The following SLC25A21 variants were observed in gnomAD, a reference collection of about 807,000 sequenced individuals.
The protein encoded by SLC25A21 is solute carrier family 25 member 21.
Under a neutral mutation model 43.8 loss-of-function variants are expected in SLC25A21, and 47 were observed. The observed-to-expected ratio is 1.07, with a 90% confidence interval of 0.85 to 1.37. The LOEUF is 1.37. SLC25A21 is among the 40% of genes most tolerant of loss of function. SLC25A21 has a pLI of 0.00. For missense variants in SLC25A21, 352 were observed against 350.2 expected, an observed-to-expected ratio of 1.00 and a Z score of -0.04; for synonymous variants, 131 against 121.3, an observed-to-expected ratio of 1.08 and a Z score of -0.52.
intron 1 of SLC25A21, among the ~76,000 whole-genome samples, chr14:36,953,051 G>A (rs1215933282): frequency 1.3e-5 from 2 of 152,088 alleles, no homozygotes; most frequent in Non-Finnish European, 2.9e-5. Context: ...ATTTAGTTTT[G>A]AGGTATCAAT....
At chr14:36,695,586 T>G (rs145271923) in intron 7 of SLC25A21, among the ~76,000 whole-genome samples, 3,842 of 152,292 alleles carry the variant, frequency 0.025, 148 homozygotes, top group African/African-American at 0.088. Context: ...TTTTATTTCC[T>G]TGGGCAGTGG....
intron 1 of SLC25A21, among the ~76,000 whole-genome samples, chr14:37,149,810 T>C (rs1167494149): frequency 2.6e-5 from 4 of 152,050 alleles, no homozygotes; most frequent in African/African-American, 7.3e-5. Context: ...CCCTTAGCTG[T>C]ATACATTTCT....
intron 1 of SLC25A21, among the ~76,000 whole-genome samples, chr14:36,883,806 C>G (rs760500654): frequency 2.0e-5 from 3 of 151,960 alleles, no homozygotes; most frequent in Non-Finnish European, 4.4e-5. Context: ...TTAAACTGAT[C>G]TTACTTATTT....
chr14:36,801,708 C>T (rs1012044930), intron 3 of SLC25A21, among the ~76,000 whole-genome samples: 6 of 152,196 alleles, frequency 3.9e-5, no homozygotes, highest in Admixed American at 1.3e-4. Flanking sequence ...AAAATCCTAA[C>T]TCAAACTGCC....
At chr14:36,965,761 A>T (rs537933715) in intron 1 of SLC25A21, among the ~76,000 whole-genome samples, 8 of 152,326 alleles carry the variant, frequency 5.3e-5, no homozygotes, top group African/African-American at 1.7e-4. Flanking sequence ...CAAAGAGATT[A>T]AAAAATAAAT....
rs1489008467 is a variant in SLC25A21, at chr14:36,814,141, G to A, written c.120-140C>T. 3 of 559,382 alleles carry A rather than the reference G, an allele frequency of 5.4e-6. No homozygotes were observed. The East Asian group carries it at 9.3e-5, about 17-fold the overall frequency. The allele number at this position is 559,382 out of a possible 1,614,324, so 34.7% of individuals were successfully genotyped here. On this transcript the variant is annotated intron_variant, in intron 2 of 9. Transcript: ENST00000331299. ...TGGTATGGATTTTATTCATTTATTAGCCTTATATAATCTTTACCTTATTTT... is the reference window on the plus strand; with the variant it reads ...TGGTATGGATTTTATTCATTTATTAACCTTATATAATCTTTACCTTATTTT...
At chr14:36,812,043 G>A (rs1287562789) in intron 3 of SLC25A21, among the ~76,000 whole-genome samples, 1 of 152,082 alleles carries the variant, frequency 6.6e-6, no homozygotes, top group Non-Finnish European at 1.5e-5. Context: ...CAAAGGATTA[G>A]TATCTATAAT....
chr14:37,086,204 T>G (rs1481755408), intron 1 of SLC25A21, among the ~76,000 whole-genome samples: 1 of 152,124 alleles, frequency 6.6e-6, no homozygotes, highest in Non-Finnish European at 1.5e-5. Flanking sequence ...AAAATAATAA[T>G]TGTATTTTTA....
intron 1 of SLC25A21, among the ~76,000 whole-genome samples, chr14:37,149,692 C>G (rs1012544455): frequency 1.3e-5 from 2 of 152,106 alleles, no homozygotes; most frequent in African/African-American, 4.8e-5. Context: ...GGCTGACTCA[C>G]AGAGCAAGAC....
chr14:36,697,021 T>G (rs1883058062), intron 7 of SLC25A21, among the ~76,000 whole-genome samples: 1 of 152,250 alleles, frequency 6.6e-6, no homozygotes, highest in African/African-American at 2.4e-5. Flanking sequence ...ATTTTAGATC[T>G]TTCCTGCTTT....
chr14:37,091,238 G>T (rs768298792), intron 1 of SLC25A21, among the ~76,000 whole-genome samples: 10 of 152,204 alleles, frequency 6.6e-5, no homozygotes, highest in Non-Finnish European at 1.5e-4. Context: ...ATCCAGACCA[G>T]CCTGGCTAAC....
chr14:36,769,721 C>T (rs902544507), intron 3 of SLC25A21, among the ~76,000 whole-genome samples: 1 of 152,132 alleles, frequency 6.6e-6, no homozygotes, highest in Non-Finnish European at 1.5e-5. Context: ...ATTTTTCCTA[C>T]AAAAATAGAA....
chr14:36,701,113 TTTG>T (rs1476013610), intron 7 of SLC25A21, among the ~76,000 whole-genome samples: 1 of 152,208 alleles, frequency 6.6e-6, no homozygotes, highest in Non-Finnish European at 1.5e-5. Flanking sequence ...TTGGCTCTCT[TTTG>T]TTGTTTTGTT....
At chr14:37,042,099 C>T (rs1056196519) in intron 1 of SLC25A21, among the ~76,000 whole-genome samples, 1 of 152,096 alleles carries the variant, frequency 6.6e-6, no homozygotes, top group Non-Finnish European at 1.5e-5. Context: ...ACGGGGTAAC[C>T]TTTACTTGCC....
intron 1 of SLC25A21, among the ~76,000 whole-genome samples, chr14:36,969,801 C>T (rs1959710152): frequency 6.6e-6 from 1 of 152,006 alleles, no homozygotes; most frequent in Non-Finnish European, 1.5e-5. Flanking sequence ...CAGACACTTA[C>T]TTTTATACTT....
intron 7 of SLC25A21, among the ~76,000 whole-genome samples, chr14:36,693,903 C>T (rs981032022): frequency 6.6e-6 from 1 of 152,034 alleles, no homozygotes; most frequent in Non-Finnish European, 1.5e-5. Flanking sequence ...AAAAGTTCCA[C>T]CAAAATTTTT....
chr14:36,978,365 G>A (rs1476290741), intron 1 of SLC25A21, among the ~76,000 whole-genome samples: 5 of 152,180 alleles, frequency 3.3e-5, no homozygotes, highest in African/African-American at 1.2e-4. Flanking sequence ...TATTAAGTGT[G>A]TGATAGTGTT....
At chr14:36,842,331 T>C (rs1889409418) in intron 2 of SLC25A21, among the ~76,000 whole-genome samples, 1 of 152,126 alleles carries the variant, frequency 6.6e-6, no homozygotes. Context: ...CTCGCAGAAA[T>C]AATTAGGTGA....
chr14:36,854,952 A>G (rs1378593537), intron 2 of SLC25A21, among the ~76,000 whole-genome samples: 1 of 150,984 alleles, frequency 6.6e-6, no homozygotes, highest in Non-Finnish European at 1.5e-5. Flanking sequence ...GTATTCTGCC[A>G]TCCTTGGAAT....
Sources: gnomAD v4.1 joint callset for allele counts (sites outside exome capture counted in the v4.1 genomes callset) on GRCh38, gnomAD v4.1.1 for gene constraint, MANE v1.5 for transcripts, NCBI Gene and HGNC (gene_info 2026-07-23, HGNC 2026-07-21) for gene names.